HPSE2: variants seen among roughly 807,000 people sequenced by gnomAD.
HPSE2 encodes heparanase 2 (inactive).
Under a neutral mutation model 60.5 loss-of-function variants are expected in HPSE2, and 38 were observed. That is an observed-to-expected ratio of 0.63 (90% CI 0.48 to 0.82). The LOEUF (loss-of-function observed/expected upper bound fraction) is 0.82, where lower values mean the gene tolerates loss of function less well. Ranked by LOEUF, HPSE2 falls within the 40% of genes least tolerant of loss-of-function variation. The pLI is 0.00. For synonymous variants in HPSE2, 295 were observed against 293.2 expected, an observed-to-expected ratio of 1.01 and a Z score of -0.06; for missense variants, 713 against 740.4, an observed-to-expected ratio of 0.96 and a Z score of 0.43.
chr10:99,214,670 G>C (rs1849060299), intron 2 of HPSE2, among the ~76,000 whole-genome samples: 1 of 151,898 alleles, frequency 6.6e-6, no homozygotes, highest in Non-Finnish European at 1.5e-5. Flanking sequence ...TACCGTATGG[G>C]GGAAAAATTT....
intron 3 of HPSE2, among the ~76,000 whole-genome samples, chr10:99,137,106 CAGAG>C: frequency 6.6e-6 from 1 of 152,276 alleles, no homozygotes; most frequent in South Asian, 2.1e-4. Flanking sequence ...AATAGACAAA[CAGAG>C]AGCCAAATCA....
intron 3 of HPSE2, among the ~76,000 whole-genome samples, chr10:99,132,494 G>C (rs945334262): frequency 6.6e-6 from 1 of 152,124 alleles, no homozygotes; most frequent in African/African-American, 2.4e-5. Flanking sequence ...ATCTCCCAGC[G>C]AGATCGATGC....
chr10:98,778,556 A>G (rs1950398187), intron 3 of HPSE2, among the ~76,000 whole-genome samples: 1 of 152,158 alleles, frequency 6.6e-6, no homozygotes, highest in Admixed American at 6.6e-5. Context: ...ATCTGGATCA[A>G]CCACACTGAG....
At chr10:98,489,865 C>T (rs1033838151) in intron 10 of HPSE2, among the ~76,000 whole-genome samples, 186 bp downstream of exon 10, 7 of 152,152 alleles carry the variant, frequency 4.6e-5, no homozygotes, top group Admixed American at 1.3e-4. Context: ...GAGAAGGGAG[C>T]GTTTACTTGG....
At chr10:99,053,956 G>A (rs1332072352) in intron 3 of HPSE2, among the ~76,000 whole-genome samples, 3 of 150,442 alleles carry the variant, frequency 2.0e-5, no homozygotes, top group East Asian at 3.9e-4. Context: ...GGCTGGTCTC[G>A]AACTCCCGAG....
intron 3 of HPSE2, among the ~76,000 whole-genome samples, chr10:99,081,327 T>C (rs913960318): frequency 1.3e-5 from 2 of 152,234 alleles, no homozygotes; most frequent in African/African-American, 4.8e-5. Flanking sequence ...TGGATAGTAG[T>C]CCATCTTCTC....
the HPSE2 span, among the ~76,000 whole-genome samples, chr10:99,254,676 G>A: frequency 6.6e-6 from 1 of 152,152 alleles, no homozygotes; most frequent in African/African-American, 2.4e-5. Context: ...TCTAATATAA[G>A]TTGAAAGTGT....
intron 9 of HPSE2, among the ~76,000 whole-genome samples, chr10:98,544,578 T>A (rs1419547674): frequency 1.3e-5 from 2 of 151,114 alleles, no homozygotes; most frequent in Non-Finnish European, 3.0e-5. Flanking sequence ...CCGGGCGTGG[T>A]GGCGGGCGCC....
chr10:98,703,024 T>C (rs1280854127), intron 5 of HPSE2, among the ~76,000 whole-genome samples: 4 of 151,856 alleles, frequency 2.6e-5, no homozygotes, highest in Non-Finnish European at 5.9e-5. Flanking sequence ...ATTAACAAAA[T>C]AGATAGACTG....
chr10:98,478,177 C>A (rs760448949), intron 11 of HPSE2, among the ~76,000 whole-genome samples: 2 of 152,146 alleles, frequency 1.3e-5, no homozygotes, highest in Non-Finnish European at 2.9e-5. Context: ...AGAATGGGAA[C>A]CATTGTTCTG....
At chr10:98,862,399 C>T (rs1307501996) in intron 3 of HPSE2, among the ~76,000 whole-genome samples, 1 of 152,170 alleles carries the variant, frequency 6.6e-6, no homozygotes, top group East Asian at 1.9e-4. Flanking sequence ...GACACTTCCA[C>T]TTATTAGATT....
At chr10:98,548,591 T>C (rs1471352) in intron 9 of HPSE2, among the ~76,000 whole-genome samples, 52,256 of 150,148 alleles carry the variant, frequency 0.35, 9,525 homozygotes, top group East Asian at 0.49. Context: ...TACTCTAGCC[T>C]GGGCAACAGA....
At chr10:98,838,494 T>C (rs1951842270) in intron 3 of HPSE2, among the ~76,000 whole-genome samples, 1 of 151,810 alleles carries the variant, frequency 6.6e-6, no homozygotes, top group Non-Finnish European at 1.5e-5. Context: ...CTCATCATAT[T>C]GCCCAAGCTG....
chr10:99,167,926 G>A (rs1418531328), intron 2 of HPSE2, among the ~76,000 whole-genome samples: 1 of 151,598 alleles, frequency 6.6e-6, no homozygotes, highest in African/African-American at 2.4e-5. Context: ...ACCACTTTTT[G>A]TAGTTTTCAG....
chr10:98,936,620 A>C (rs1337720427), intron 3 of HPSE2, among the ~76,000 whole-genome samples: 1 of 143,358 alleles, frequency 7.0e-6, no homozygotes, highest in Non-Finnish European at 1.5e-5. Flanking sequence ...TTTTAATGCT[A>C]CAAGAACAGA....
chr10:98,920,262 G>A (rs191183739), intron 3 of HPSE2, among the ~76,000 whole-genome samples: 8 of 152,196 alleles, frequency 5.3e-5, no homozygotes, highest in East Asian at 3.9e-4. Context: ...ACTGCATTAC[G>A]GACTGGGGCT....
chr10:98,852,113 A>ATATATATGTGTG lies in HPSE2; in HGVS notation c.611-108058_611-108057insCACACATATATA, dbSNP rs779720749. On this transcript the variant is annotated intron_variant, in intron 3 of 11. Transcript: ENST00000370552. ...GGTTTTGCAAACCTTGTATATTATG[A>ATATATATGTGTG]TGTGTGTGTGTGTGTGTGTGTGTGT... is the stretch of plus-strand genomic sequence containing the variant. 8.1e-3 allele frequency among the ~76,000 whole-genome samples: 748 copies of ATATATATGTGTG among 91,780 alleles called. 4 individuals are homozygous for ATATATATGTGTG. The highest frequency in any genetic ancestry group is 0.02 in the African/African-American group (444 of 21,670). 60.2% of individuals were successfully genotyped at this position (91,780 alleles called of 152,430 possible).
At position 98,933,095 on chromosome 10, in the gene HPSE2, G is replaced by C. The variant is rs182670306; in HGVS notation, c.611-189039C>G. The stretch of plus-strand genomic sequence containing the variant: ...AGATCTTTCTAGCTTTTTGATGTGA[G>C]TATTTAGTACTATAGATTTCCCTCT... On this transcript the variant is annotated intron_variant, in intron 3 of 11. Coordinates refer to ENST00000370552, the MANE Select transcript of HPSE2 (RefSeq NM_021828.5). Among the ~76,000 whole-genome samples the C allele has an allele frequency of 1.9e-3, 271 of 144,100 alleles. 66 individuals carry two copies. Among genetic ancestry groups the C allele is most frequent in the African/African-American group, 7.0e-3 (249 of 35,484 alleles). 94.5% of individuals were successfully genotyped at this position (144,100 alleles called of 152,430 possible).
At chr10:98,745,277 A>T (rs1478933461) in intron 3 of HPSE2, among the ~76,000 whole-genome samples, 7 of 152,178 alleles carry the variant, frequency 4.6e-5, no homozygotes, top group Non-Finnish European at 1.5e-5. Context: ...CTCTATCACC[A>T]TGTGTCTCCT....
Sources: allele counts gnomAD v4.1 joint callset (sites outside exome capture counted in the v4.1 genomes callset), GRCh38; gene constraint gnomAD v4.1.1; transcripts MANE v1.5; gene names NCBI Gene and HGNC (gene_info 2026-07-23, HGNC 2026-07-21).